GFOD1: variants seen among roughly 807,000 people sequenced by gnomAD.
GFOD1 encodes Gfo/Idh/MocA-like oxidoreductase domain containing 1, also known as glucose-fructose oxidoreductase domain-containing protein 1.
Under a neutral mutation model 25.4 loss-of-function variants are expected in GFOD1, and 9 were observed. That is an observed-to-expected ratio of 0.35 (90% CI 0.21 to 0.62). The LOEUF is 0.62. Among genes scored for constraint, GFOD1 ranks in the 20% least tolerant of loss-of-function variants. The pLI is 0.72. For missense variants in GFOD1, 403 were observed against 556.9 expected, an observed-to-expected ratio of 0.72 and a Z score of 2.78; for synonymous variants, 253 against 245.6, an observed-to-expected ratio of 1.03 and a Z score of -0.28.
At chr6:13,385,424 T>C (rs1315931786) in intron 1 of GFOD1, among the ~76,000 whole-genome samples, 2 of 152,168 alleles carry the variant, frequency 1.3e-5, no homozygotes, top group African/African-American at 4.8e-5. Flanking sequence ...GGTGGGAGCC[T>C]CCCTTAAAGA....
chr6:13,420,974 C>CGAGGGGGA (rs1786246541), intron 1 of GFOD1, among the ~76,000 whole-genome samples: 1 of 151,960 alleles, frequency 6.6e-6, no homozygotes, highest in South Asian at 2.1e-4. Context: ...TTTATAGTGG[C>CGAGGGGGA]GAGGGGGAGC....
At chr6:13,446,696 T>C (rs1011453897) in intron 1 of GFOD1, among the ~76,000 whole-genome samples, 16 of 152,116 alleles carry the variant, frequency 1.1e-4, no homozygotes, top group African/African-American at 3.9e-4. Context: ...GGCCACCAGC[T>C]ACAGCAAGGG....
intron 1 of GFOD1, among the ~76,000 whole-genome samples, chr6:13,373,790 T>C: frequency 6.8e-6 from 1 of 147,946 alleles, no homozygotes; most frequent in South Asian, 2.1e-4. Context: ...TTTTTTTTTT[T>C]TTTGAAGTTA....
chr6:13,427,826 C>T (rs1468808442), intron 1 of GFOD1, among the ~76,000 whole-genome samples: 1 of 152,032 alleles, frequency 6.6e-6, no homozygotes, highest in Non-Finnish European at 1.5e-5. Context: ...CCTGGTGCCC[C>T]TGACAGGCAC....
intron 1 of GFOD1, among the ~76,000 whole-genome samples, chr6:13,374,631 G>T (rs558192940): frequency 2.0e-5 from 3 of 149,678 alleles, no homozygotes; most frequent in Non-Finnish European, 4.4e-5. Flanking sequence ...TAATTGACAC[G>T]TAATAATTAT....
At chr6:13,428,440 C>T (rs1354469627) in intron 1 of GFOD1, among the ~76,000 whole-genome samples, 2 of 152,170 alleles carry the variant, frequency 1.3e-5, no homozygotes, top group Admixed American at 6.5e-5. Context: ...GAGGCCCTTG[C>T]GGCCAGCAGT....
At chr6:13,393,633 G>A (rs1313602329) in intron 1 of GFOD1, among the ~76,000 whole-genome samples, 1 of 151,946 alleles carries the variant, frequency 6.6e-6, no homozygotes, top group Non-Finnish European at 1.5e-5. Context: ...TTTCAATAGT[G>A]CCAACCAGTG....
intron 1 of GFOD1, among the ~76,000 whole-genome samples, chr6:13,473,169 G>T (rs1182961411): frequency 6.6e-6 from 1 of 152,136 alleles, no homozygotes; most frequent in Non-Finnish European, 1.5e-5. Context: ...TTGCATCCTT[G>T]CTCATCTAGT....
chr6:13,426,402 T>G (rs993588502), intron 1 of GFOD1, among the ~76,000 whole-genome samples: 2 of 152,160 alleles, frequency 1.3e-5, no homozygotes, highest in African/African-American at 4.8e-5. Context: ...TACTGTGCCA[T>G]CTGGGCCACA....
intron 1 of GFOD1, among the ~76,000 whole-genome samples, chr6:13,393,780 CTT>C (rs70989854): frequency 1.2e-4 from 15 of 120,282 alleles, no homozygotes; most frequent in African/African-American, 4.3e-4. Context: ...TTTTTCTTTT[CTT>C]TTTTTTTTTT....
intron 1 of GFOD1, among the ~76,000 whole-genome samples, chr6:13,455,699 G>C (rs1296610179): frequency 6.6e-6 from 1 of 152,142 alleles, no homozygotes; most frequent in Non-Finnish European, 1.5e-5. Context: ...ATTAAGCACA[G>C]ACACCCACAC....
chr6:13,384,029 G>A (rs1303377783), intron 1 of GFOD1, among the ~76,000 whole-genome samples: 3 of 152,084 alleles, frequency 2.0e-5, no homozygotes, highest in Non-Finnish European at 4.4e-5. Flanking sequence ...GAGTTCAAGA[G>A]CAGCCTGGCC....
At chr6:13,432,726 G>A (rs941576834) in intron 1 of GFOD1, among the ~76,000 whole-genome samples, 10 of 152,090 alleles carry the variant, frequency 6.6e-5, no homozygotes, top group African/African-American at 2.2e-4. Context: ...TGTGGCCTGT[G>A]CACATCCTGC....
intron 1 of GFOD1, among the ~76,000 whole-genome samples, chr6:13,385,425 C>T (rs953278104): frequency 6.6e-6 from 1 of 152,202 alleles, no homozygotes; most frequent in Non-Finnish European, 1.5e-5. Context: ...GTGGGAGCCT[C>T]CCTTAAAGAC....
intron 1 of GFOD1, among the ~76,000 whole-genome samples, chr6:13,419,081 A>G (rs949626714): frequency 6.6e-6 from 1 of 152,180 alleles, no homozygotes. Context: ...AAGGCTTGGC[A>G]TGGAGGAGAA....
intron 1 of GFOD1, among the ~76,000 whole-genome samples, chr6:13,410,383 C>T (rs1366308257): frequency 1.3e-5 from 2 of 152,092 alleles, no homozygotes; most frequent in South Asian, 2.1e-4. Context: ...GACTAACCAA[C>T]ATAACGAAAC....
At chr6:13,485,646 T>C (rs1223315346) in intron 1 of GFOD1, among the ~76,000 whole-genome samples, 2 of 152,190 alleles carry the variant, frequency 1.3e-5, no homozygotes, top group African/African-American at 4.8e-5. Context: ...GAGAGGCTGC[T>C]ACTCTGTCCT....
At chr6:13,377,607 C>A (rs1412543883) in intron 1 of GFOD1, among the ~76,000 whole-genome samples, 2 of 152,218 alleles carry the variant, frequency 1.3e-5, no homozygotes, top group African/African-American at 2.4e-5. Flanking sequence ...AATTTGCCAC[C>A]TTTCCAGAGC....
At chr6:13,452,723 G>C (rs1304668093) in intron 1 of GFOD1, among the ~76,000 whole-genome samples, 1 of 152,142 alleles carries the variant, frequency 6.6e-6, no homozygotes, top group Non-Finnish European at 1.5e-5. Flanking sequence ...TTTACCATTA[G>C]GATCGGCTGA....
Sources: gnomAD v4.1 joint callset for allele counts (sites outside exome capture counted in the v4.1 genomes callset) on GRCh38, gnomAD v4.1.1 for gene constraint, MANE v1.5 for transcripts, NCBI Gene and HGNC (gene_info 2026-07-23, HGNC 2026-07-21) for gene names.